ELAVL2: variants seen among roughly 807,000 people sequenced by gnomAD.
The protein encoded by ELAVL2 is ELAV like RNA binding protein 2.
A neutral mutation model predicts 34.6 loss-of-function variants in ELAVL2; 4 were observed. The observed-to-expected ratio is 0.12, with a 90% CI of 0.06 to 0.26. The LOEUF is 0.26. Among genes scored for constraint, ELAVL2 ranks in the 10% least tolerant of loss-of-function variants. The pLI is 1.00. For synonymous variants in ELAVL2, 193 were observed against 154.8 expected, an observed-to-expected ratio of 1.25 and a Z score of -1.83; for missense variants, 432 against 442.8, an observed-to-expected ratio of 0.98 and a Z score of 0.22.
At chr9:23,789,081 CA>C (rs2060041933) in intron 1 of ELAVL2, among the ~76,000 whole-genome samples, 1 of 152,162 alleles carries the variant, frequency 6.6e-6, no homozygotes, top group Non-Finnish European at 1.5e-5. Flanking sequence ...TATAGTCCCC[CA>C]ATTTTTTCCT....
intron 3 of ELAVL2, among the ~76,000 whole-genome samples, chr9:23,721,580 G>A (rs41306073): frequency 4.8e-4 from 73 of 152,274 alleles, no homozygotes; most frequent in Non-Finnish European, 9.8e-4. Flanking sequence ...GGGAGAGGAG[G>A]CAGGCAAGTA....
intron 2 of ELAVL2, among the ~76,000 whole-genome samples, chr9:23,760,742 C>T (rs567143783): frequency 1.3e-5 from 2 of 152,022 alleles, no homozygotes; most frequent in African/African-American, 4.8e-5. Flanking sequence ...ATATAATGGC[C>T]GTTTGCTATG....
chr9:23,753,628 GT>G (rs1421974636), intron 2 of ELAVL2, among the ~76,000 whole-genome samples: 12 of 152,088 alleles, frequency 7.9e-5, no homozygotes, highest in Non-Finnish European at 1.6e-4. Flanking sequence ...CAATTTAACT[GT>G]TTTTTATCTT....
chr9:23,733,605 A>G (rs946596991), intron 2 of ELAVL2, among the ~76,000 whole-genome samples: 4 of 152,174 alleles, frequency 2.6e-5, no homozygotes, highest in Non-Finnish European at 5.9e-5. Context: ...TACTTCAAAG[A>G]AACAGTTTAT....
chr9:23,804,131 A>G (rs1314541296), intron 1 of ELAVL2, among the ~76,000 whole-genome samples: 1 of 152,150 alleles, frequency 6.6e-6, no homozygotes, highest in Non-Finnish European at 1.5e-5. Flanking sequence ...ATGCAAAAAG[A>G]TAACCACAGA....
Position 23,731,001 on chromosome 9 carries a change from A to G in ELAVL2, c.333+21T>C, listed in dbSNP as rs749609834. ...TTAAACTTCTGTTCCGCAAGTAGAT[A>G]TAAAAAAACTTTAAACATACTTTTA... On this transcript the variant is annotated intron_variant, in intron 3 of 6. Coordinates refer to ENST00000397312, the MANE Select transcript of ELAVL2 (RefSeq NM_004432.5). 27 of 1,593,464 alleles carry G rather than the reference A, an allele frequency of 1.7e-5. No homozygotes were observed. The Middle Eastern group carries it at 1.0e-3, about 59-fold the overall frequency.
At chr9:23,847,387 C>T in the ELAVL2 span, 1 of 152,046 alleles carries the variant, frequency 6.6e-6, no homozygotes, top group African/African-American at 2.4e-5. Flanking sequence ...CTCTTTTATG[C>T]ATGAATACTT....
chr9:23,780,286 CAGAG>C (rs1216811038), intron 1 of ELAVL2, among the ~76,000 whole-genome samples: 3 of 152,144 alleles, frequency 2.0e-5, no homozygotes, highest in Middle Eastern at 3.4e-3. Flanking sequence ...AGTCTAACAA[CAGAG>C]AATTTTCTAA....
At chr9:23,706,952 T>C (rs1163724726) in intron 3 of ELAVL2, among the ~76,000 whole-genome samples, 3 of 152,186 alleles carry the variant, frequency 2.0e-5, no homozygotes, top group Non-Finnish European at 2.9e-5. Context: ...ATACTCTTCT[T>C]TATTCAAACC....
At chr9:23,836,344 A>G in the ELAVL2 span, among the ~76,000 whole-genome samples, 1 of 152,318 alleles carries the variant, frequency 6.6e-6, no homozygotes, top group East Asian at 1.9e-4. Flanking sequence ...TTATTTTCAC[A>G]CAATTTACTG....
At chr9:23,774,235 A>AAAAAAAAAAAAAAAAAG (rs59791462) in intron 1 of ELAVL2, among the ~76,000 whole-genome samples, 4 of 132,318 alleles carry the variant, frequency 3.0e-5, no homozygotes, top group African/African-American at 1.3e-4. Context: ...AAAAAAAAAA[A>AAAAAAAAAAAAAAAAAG]AAAGAAAGAA....
chr9:23,805,646 A>G (rs2062117432), intron 1 of ELAVL2, among the ~76,000 whole-genome samples: 1 of 152,190 alleles, frequency 6.6e-6, no homozygotes, highest in Admixed American at 6.5e-5. Flanking sequence ...CGCTTCTTAA[A>G]GTTAGCCATC....
chr9:23,795,725 T>C (rs948358999), intron 1 of ELAVL2, among the ~76,000 whole-genome samples: 3 of 152,152 alleles, frequency 2.0e-5, no homozygotes, highest in African/African-American at 7.2e-5. Flanking sequence ...AATCTCAAGA[T>C]TCCACATATT....
At chr9:23,727,281 T>A (rs2045457350) in intron 3 of ELAVL2, among the ~76,000 whole-genome samples, 2 of 152,088 alleles carry the variant, frequency 1.3e-5, no homozygotes, top group South Asian at 4.1e-4. Flanking sequence ...TTAACCTGTA[T>A]CTGCTACTAC....
At chr9:23,730,744 T>C (rs2046322334) in intron 3 of ELAVL2, among the ~76,000 whole-genome samples, 1 of 152,080 alleles carries the variant, frequency 6.6e-6, no homozygotes, top group African/African-American at 2.4e-5. Context: ...GGGCAAGTAA[T>C]TCTCTATAAG....
chr9:23,797,111 C>G (rs2061023868), intron 1 of ELAVL2, among the ~76,000 whole-genome samples: 1 of 152,142 alleles, frequency 6.6e-6, no homozygotes, highest in Non-Finnish European at 1.5e-5. Flanking sequence ...CTACCATCTG[C>G]CCAGCTGAGT....
chr9:23,718,806 A>T (rs1309438247), intron 3 of ELAVL2, among the ~76,000 whole-genome samples: 1 of 152,246 alleles, frequency 6.6e-6, no homozygotes. Context: ...ACATTAGAGA[A>T]TAACCATAGG....
intron 1 of ELAVL2, among the ~76,000 whole-genome samples, chr9:23,775,742 A>G (rs994640110): frequency 1.3e-5 from 2 of 152,046 alleles, no homozygotes; most frequent in African/African-American, 4.8e-5. Context: ...TCATATACAC[A>G]AGCTCTAACA....
At chr9:23,716,571 A>G (rs2042358321) in intron 3 of ELAVL2, among the ~76,000 whole-genome samples, 1 of 152,134 alleles carries the variant, frequency 6.6e-6, no homozygotes, top group Non-Finnish European at 1.5e-5. Context: ...GCAGGTCTTC[A>G]CTGTCTCTTA....
Sources: allele counts gnomAD v4.1 joint callset (sites outside exome capture counted in the v4.1 genomes callset), GRCh38; gene constraint gnomAD v4.1.1; transcripts MANE v1.5; gene names NCBI Gene and HGNC (gene_info 2026-07-23, HGNC 2026-07-21).